The following CDH6 variants were observed in gnomAD, a reference collection of about 807,000 sequenced individuals.
The protein encoded by CDH6 is cadherin-6.
CDH6 carries 31 observed loss-of-function variants against 78.0 expected under a neutral mutation model. That is an observed-to-expected ratio of 0.40 (90% CI 0.30 to 0.54). The LOEUF is 0.54. CDH6 is among the 20% of genes least tolerant of loss of function. The pLI is 0.56. For synonymous variants in CDH6, 376 were observed against 368.8 expected, an observed-to-expected ratio of 1.02 and a Z score of -0.23; for missense variants, 724 against 975.9, an observed-to-expected ratio of 0.74 and a Z score of 3.44.
rs796960314 is a variant in CDH6 at position 31,223,135 on chromosome 5, C to T, written c.-129+29249C>T. ...AAAAAATACATCTCATTTTCTTTCC[C>T]TGTTGACTTATGTACAAGTTCATTG... On this transcript the variant is annotated intron_variant, in intron 1 of 11. Transcript: ENST00000265071. 4.6e-5 allele frequency among the ~76,000 whole-genome samples: 7 copies of T among 152,194 alleles called. 1 individual carries two copies. Among genetic ancestry groups the T allele is most frequent in the African/African-American group, 1.7e-4 (7 of 41,532 alleles).
At position 31,323,266 on chromosome 5, in the gene CDH6, T is replaced by G; in HGVS notation, c.2331T>G (p.Leu777=). The change falls in exon 12 of 12, where the codon CTT becomes CTG. Residue 777 remains leucine, a synonymous_variant. Transcript: ENST00000265071. ...LSDWGPRFKK[L]ADMYGGVDSD... is the part of the protein sequence containing the mutation. ...ACTGGGGACCTCGATTCAAAAAGCT[T>G]GCAGATATGTATGGAGGAGTGGACA... The G allele has an allele frequency of 6.2e-7, 1 of 1,614,098 alleles. No homozygotes were observed.
At chr5:31,316,733 TTTA>T (rs1237471106) in intron 9 of CDH6, among the ~76,000 whole-genome samples, 2 of 152,228 alleles carry the variant, frequency 1.3e-5, no homozygotes, top group African/African-American at 2.4e-5. Flanking sequence ...TCATGAATGT[TTTA>T]TTGTTTTACA....
intron 1 of CDH6, among the ~76,000 whole-genome samples, chr5:31,245,129 G>C (rs1384463599): frequency 2.0e-5 from 3 of 152,210 alleles, no homozygotes. Flanking sequence ...CCCAGTGGAG[G>C]AGGGAAGATT....
chr5:31,230,691 T>TG (rs1741288887), intron 1 of CDH6, among the ~76,000 whole-genome samples: 1 of 152,180 alleles, frequency 6.6e-6, no homozygotes, highest in African/African-American at 2.4e-5. Flanking sequence ...AGAAACCATC[T>TG]GCAGAATAAT....
chr5:31,245,612 A>T (rs1741723800), intron 1 of CDH6, among the ~76,000 whole-genome samples: 1 of 152,212 alleles, frequency 6.6e-6, no homozygotes, highest in South Asian at 2.1e-4. Context: ...ATAGTTGTTT[A>T]ACTCATCGGA....
intron 2 of CDH6, among the ~76,000 whole-genome samples, chr5:31,268,861 T>C (rs11957560): frequency 0.51 from 77,313 of 151,754 alleles, 19,928 homozygotes; most frequent in East Asian, 0.6. Context: ...CTTGGGCTGA[T>C]GTAACCAGGA....
intron 3 of CDH6, among the ~76,000 whole-genome samples, chr5:31,296,740 G>A (rs1490798878): frequency 6.6e-6 from 1 of 152,036 alleles, no homozygotes; most frequent in East Asian, 1.9e-4. Flanking sequence ...CTTTGGACAG[G>A]ATTTGATCTG....
intron 6 of CDH6, among the ~76,000 whole-genome samples, chr5:31,303,563 C>A (rs571753890): frequency 6.6e-6 from 1 of 152,144 alleles, no homozygotes; most frequent in Non-Finnish European, 1.5e-5. Flanking sequence ...TGTAGCACCA[C>A]AGAGCAGCAT....
At chr5:31,264,342 T>C (rs1742284727) in intron 1 of CDH6, among the ~76,000 whole-genome samples, 1 of 152,208 alleles carries the variant, frequency 6.6e-6, no homozygotes, top group African/African-American at 2.4e-5. Context: ...ATTAATACCT[T>C]ACCAAATGCC....
rs1738645994 is a variant in CDH6 at position 31,327,387 on chromosome 5, T to C, written c.*4079T>C. The C allele has an allele frequency of 1.0e-5, 2 of 192,220 alleles. No homozygotes were observed. The highest frequency in any genetic ancestry group is 2.2e-5 in the Non-Finnish European group (2 of 92,038). 11.9% of individuals were successfully genotyped at this position (192,220 alleles called of 1,614,324 possible). A position where few individuals can be genotyped will look rare whatever the true frequency, so the allele number is the denominator to read the frequency against. ...CAGTGTAATTACTCTGGAAGAAGGCTCTAAAAAGTCATGATTCCCCCACTA... is the reference window on the plus strand; with the variant it reads ...CAGTGTAATTACTCTGGAAGAAGGCCCTAAAAAGTCATGATTCCCCCACTA... On this transcript the variant is annotated 3_prime_UTR_variant, in exon 12 of 12. Coordinates refer to ENST00000265071, the MANE Select transcript of CDH6 (RefSeq NM_004932.4).
chr5:31,209,477 G>A (rs529071437), intron 1 of CDH6, among the ~76,000 whole-genome samples: 11 of 152,268 alleles, frequency 7.2e-5, no homozygotes, highest in Non-Finnish European at 7.4e-5. Flanking sequence ...AAAATTTTCA[G>A]GAGTGATTAA....
At chr5:31,269,999 T>G (rs1742476066) in intron 2 of CDH6, among the ~76,000 whole-genome samples, 2 of 152,214 alleles carry the variant, frequency 1.3e-5, no homozygotes, top group Non-Finnish European at 1.5e-5. Context: ...AATTCCTCTT[T>G]GAAGTTATAT....
At position 31,258,169 on chromosome 5, in the gene CDH6, T is replaced by C. The variant is rs186530080; in HGVS notation, c.-128-9177T>C. Among the ~76,000 whole-genome samples, 7 of 152,282 alleles carry C rather than the reference T, an allele frequency of 4.6e-5. No individual in the cohort carries two copies. In the East Asian group the frequency reaches 1.4e-3, roughly 29 times the overall value. The stretch of plus-strand genomic sequence containing the variant: ...CCCAAATGATTATAAATTATTCTAC[T>C]ATAAAGACACATGCACACATATGTT... On this transcript the variant is annotated intron_variant, in intron 1 of 11. Transcript: ENST00000265071.
At chr5:31,238,078 C>T (rs925442375) in intron 1 of CDH6, among the ~76,000 whole-genome samples, 9 of 152,182 alleles carry the variant, frequency 5.9e-5, no homozygotes, top group Admixed American at 1.3e-4. Context: ...AAGACATTCT[C>T]TGAAATTAGG....
Position 31,269,471 on chromosome 5 carries a change from C to T in CDH6, c.228+1770C>T, listed in dbSNP as rs1033956204. On this transcript the variant is annotated intron_variant, in intron 2 of 11. Transcript: ENST00000265071. ...TATGTGACCTAGGACAGGTTGTTAA[C>T]CTTTCTGGGCTTTCATTTCTTCATC... is the stretch of plus-strand genomic sequence containing the variant. 2.6e-4 allele frequency among the ~76,000 whole-genome samples: 39 copies of T among 152,118 alleles called. 1 individual carries two copies. The highest frequency in any genetic ancestry group is 4.4e-5 in the Non-Finnish European group (3 of 68,028).
intron 2 of CDH6, among the ~76,000 whole-genome samples, chr5:31,287,849 A>G (rs188767550): frequency 1.2e-4 from 18 of 152,234 alleles, no homozygotes; most frequent in Non-Finnish European, 2.4e-4. Context: ...CAGGGACCGC[A>G]CTTTGAGAAC....
chr5:31,265,769 G>GTTTTTTTTTTTTTTTTTTTTTT (rs35184792), intron 1 of CDH6, among the ~76,000 whole-genome samples: 1 of 78,406 alleles, frequency 1.3e-5, no homozygotes. Context: ...TTAAGACAAT[G>GTTTTTTTTTTTTTTTTTTTTTT]TTTTTTTTTT....
intron 7 of CDH6, among the ~76,000 whole-genome samples, chr5:31,309,628 A>T (rs1738089191): frequency 6.8e-6 from 1 of 147,710 alleles, no homozygotes; most frequent in African/African-American, 2.5e-5. Context: ...TCATAAACAT[A>T]GTGTATTAGT....
At chr5:31,297,482 A>C in intron 4 of CDH6, 74 bp downstream of exon 4, 1 of 1,109,572 alleles carries the variant, frequency 9.0e-7, no homozygotes, top group Non-Finnish European at 1.3e-6. Context: ...GCATATTTTT[A>C]ATAAAAATAA....
Sources: allele counts gnomAD v4.1 joint callset (sites outside exome capture counted in the v4.1 genomes callset), GRCh38; gene constraint gnomAD v4.1.1; transcripts MANE v1.5; gene names NCBI Gene and HGNC (gene_info 2026-07-23, HGNC 2026-07-21).